Variants in CDH23 observed in about 807,000 individuals in gnomAD.
The protein encoded by CDH23 is cadherin-23.
CDH23 carries 189 observed loss-of-function variants against 317.1 expected under a neutral mutation model. The observed-to-expected ratio is 0.60, with a 90% CI of 0.53 to 0.67. The LOEUF (loss-of-function observed/expected upper bound fraction) is 0.67. Ranked by LOEUF, CDH23 falls within the 30% of genes least tolerant of loss-of-function variation. The probability of loss-of-function intolerance (pLI) is 0.00; values close to 1 mark genes in which losing one functional copy is unlikely to be tolerated. For missense variants in CDH23, 4,401 were observed against 4,592.4 expected, an observed-to-expected ratio of 0.96 and a Z score of 1.20; for synonymous variants, 1,839 against 1,876.8, an observed-to-expected ratio of 0.98 and a Z score of 0.52.
chr10:71,731,542 A>T (rs1172934982), intron 31 of CDH23, among the ~76,000 whole-genome samples: 1 of 152,036 alleles, frequency 6.6e-6, no homozygotes, highest in Non-Finnish European at 1.5e-5. Context: ...AGTGGGGAGG[A>T]TGGGGGAAGG....
chr10:71,757,130 T>C (rs764760576), intron 38 of CDH23, among the ~76,000 whole-genome samples: 1 of 152,222 alleles, frequency 6.6e-6, no homozygotes, highest in Non-Finnish European at 1.5e-5. Context: ...AAGGACCTTA[T>C]TGTGGGCAAT....
chr10:71,536,181 C>T (rs201651971), intron 6 of CDH23, among the ~76,000 whole-genome samples: 2 of 152,258 alleles, frequency 1.3e-5, no homozygotes, highest in Non-Finnish European at 2.9e-5. Context: ...GGGAGGGTTA[C>T]TCCATGGAGA....
intron 1 of CDH23, among the ~76,000 whole-genome samples, chr10:71,403,350 T>C (rs60861201): frequency 0.082 from 7,076 of 86,572 alleles, 1,028 homozygotes; most frequent in African/African-American, 0.3. Flanking sequence ...TTTCTTTCTT[T>C]CTTTCTTTCT....
At chr10:71,615,662 C>G in intron 10 of CDH23, 46 bp downstream of exon 10, 1 of 1,376,946 alleles carries the variant, frequency 7.3e-7, no homozygotes, top group Non-Finnish European at 1.0e-6. Context: ...GGAGATGCCC[C>G]TACTCGGATG....
Position 71,734,299 on chromosome 10 carries a change from A to T in CDH23, c.4164A>T (p.Thr1388=). ...AGAAGGGCGACTTCTATACCTTGACAGTGGTGGCAGATGACGGCGGCCCCA... is the reference window on the plus strand; with the variant it reads ...AGAAGGGCGACTTCTATACCTTGACTGTGGTGGCAGATGACGGCGGCCCCA... The part of the protein sequence containing the change: ...DREKGDFYTL[T]VVADDGGPKV... Residue 1388 remains threonine (T), a synonymous_variant, in exon 33 of 70, where the codon ACA becomes ACT. Transcript: ENST00000224721. The T allele has an allele frequency of 6.2e-7, 1 of 1,612,460 alleles. No individual in the cohort carries two copies. Among genetic ancestry groups the T allele is most frequent in the South Asian group, 1.1e-5 (1 of 90,640 alleles).
chr10:71,811,692 C>T, intron 64 of CDH23, 21 bp from the exon 65 acceptor site: 1 of 1,611,750 alleles, frequency 6.2e-7, no homozygotes, highest in East Asian at 2.2e-5. Context: ...CCCTCACCAG[C>T]CCCTCTCTGC....
At position 71,689,552 on chromosome 10, in the gene CDH23, AGGGCCACT is replaced by A. The variant is rs1271858434; in HGVS notation, c.2060-915_2060-908del. On this transcript the variant is annotated intron_variant, in intron 19 of 69. Transcript: ENST00000224721. Reference sequence around the variant, plus strand: ...GTCATATTTGAGGCCCCAGGGCCACAGGGCCACTATGGCCTGCCTGGCCCCTTGCCCCT... The same window carrying A: ...GTCATATTTGAGGCCCCAGGGCCACAATGGCCTGCCTGGCCCCTTGCCCCT... Among the ~76,000 whole-genome samples the A allele has an allele frequency of 4.6e-5, 7 of 152,268 alleles. No individual in the cohort carries two copies. The East Asian group carries it at 1.4e-3, about 29-fold the overall frequency.
At chr10:71,733,362 T>G in intron 32 of CDH23, among the ~76,000 whole-genome samples, 1 of 152,120 alleles carries the variant, frequency 6.6e-6, no homozygotes, top group East Asian at 1.9e-4. Context: ...CTTCATCACA[T>G]AGGTACGATC....
At position 71,812,296 on chromosome 10, in the gene CDH23, G is replaced by A. The variant is rs753756017; in HGVS notation, c.9381-184G>A. ...CCAAAGGCAATCCAGACTGACATGC[G>A]GTCCTGGTTCCAGCAGGATCCTATG... On this transcript the variant is annotated intron_variant, in intron 66 of 69. Coordinates refer to ENST00000224721, the MANE Select transcript of CDH23 (RefSeq NM_022124.6). The A allele has an allele frequency of 8.5e-5, 136 of 1,598,660 alleles. No individual in the cohort carries two copies. In the Admixed American group the frequency reaches 1.7e-3, roughly 20 times the overall value.
At chr10:71,749,596 G>T (rs1839941812) in intron 38 of CDH23, 1 of 152,352 alleles carries the variant, frequency 6.6e-6, no homozygotes, top group African/African-American at 2.4e-5. Flanking sequence ...GGCCACTCGA[G>T]GTGTCAGCCC....
intron 38 of CDH23, among the ~76,000 whole-genome samples, chr10:71,766,943 T>G (rs1469232038): frequency 1.3e-5 from 2 of 152,240 alleles, no homozygotes; most frequent in Admixed American, 1.3e-4. Context: ...GCAACATTCC[T>G]GCTCTGCCTC....
intron 7 of CDH23, among the ~76,000 whole-genome samples, chr10:71,569,007 C>T (rs1376327986): frequency 6.6e-6 from 1 of 152,240 alleles, no homozygotes; most frequent in Non-Finnish European, 1.5e-5. Context: ...CCACTGGCAT[C>T]CCCTGTCCAA....
chr10:71,408,677 C>T (rs899363864), intron 1 of CDH23, among the ~76,000 whole-genome samples: 3 of 152,078 alleles, frequency 2.0e-5, no homozygotes, highest in Non-Finnish European at 4.4e-5. Context: ...GAGCTCAGGC[C>T]GGAAGAAGGG....
chr10:71,461,807 C>T (rs1851003482), intron 3 of CDH23, among the ~76,000 whole-genome samples: 1 of 152,230 alleles, frequency 6.6e-6, no homozygotes, highest in South Asian at 2.1e-4. Context: ...CATTACACAT[C>T]AGCACCAAGG....
chr10:71,496,338 T>G (rs1035794999), intron 3 of CDH23, among the ~76,000 whole-genome samples: 3 of 29,460 alleles, frequency 1.0e-4, no homozygotes, highest in Admixed American at 2.3e-4. Context: ...GCAAAACATT[T>G]TTTTTTTTTT....
intron 38 of CDH23, among the ~76,000 whole-genome samples, chr10:71,756,903 A>AG (rs1840163135): frequency 6.6e-6 from 1 of 152,212 alleles, no homozygotes; most frequent in Admixed American, 6.5e-5. Context: ...AGCTTTCAGG[A>AG]GGTTTGTTCA....
At position 71,741,838 on chromosome 10, in the gene CDH23, C is replaced by T. The variant is rs137937502; in HGVS notation, c.4762C>T (p.Arg1588Trp). The T allele has an allele frequency of 1.8e-4, 284 of 1,610,756 alleles. 2 individuals are homozygous for T. In the East Asian group the frequency reaches 3.6e-3, roughly 20 times the overall value. ...CCGCATCAGCGGTGAGATCGCCACA[C>T]GGCCTGCCCCGCCTGACCGCGAGCG... ...MDRISGEIAT[R>W]PAPPDRERQS... is the part of the protein sequence containing the mutation. The change falls in exon 38 of 70, where the codon CGG becomes TGG. Residue 1588 changes from arginine (R) to tryptophan (W), a missense_variant. By Grantham distance (101) the Arg-to-Trp change is moderately radical (BLOSUM62 -3). Transcript: ENST00000224721.
rs74147043 is a variant in CDH23, at chr10:71,728,155, C to A, written c.3580-2314C>A. On this transcript the variant is annotated intron_variant, in intron 30 of 69. Transcript: ENST00000224721. The stretch of plus-strand genomic sequence containing the variant: ...AGAGGAGTGGTTAGTTTCTGTTTAC[C>A]GAAAAAGAGTTCCTGAAATTCATCC... Among the ~76,000 whole-genome samples the A allele has an allele frequency of 7.2e-3, 1,097 of 152,120 alleles. 13 individuals carry two copies. Among genetic ancestry groups the A allele is most frequent in the African/African-American group, 0.025 (1,034 of 41,492 alleles).
rs1011738055 is a variant in CDH23 at position 71,811,048 on chromosome 10, C to A, written c.9078-267C>A. On this transcript the variant is annotated intron_variant, in intron 62 of 69. Transcript: ENST00000224721. ...TGGGCTGAGATCATGCCACACTGCA[C>A]TCCAGCCTGGGCAACAGAGCAAGAC... Among the ~76,000 whole-genome samples, 5 of 141,470 alleles carry A rather than the reference C, an allele frequency of 3.5e-5. No individual in the cohort carries two copies. The South Asian group carries it at 1.1e-3, about 32-fold the overall frequency. 92.8% of individuals were successfully genotyped at this position (141,470 alleles called of 152,430 possible).
Sources: allele counts gnomAD v4.1 joint callset (sites outside exome capture counted in the v4.1 genomes callset), GRCh38; gene constraint gnomAD v4.1.1; transcripts MANE v1.5; gene names NCBI Gene and HGNC (gene_info 2026-07-23, HGNC 2026-07-21).